The following KLHL3 variants were observed in gnomAD, a reference collection of about 807,000 sequenced individuals.
KLHL3 encodes the protein kelch-like protein 3.
KLHL3 carries 19 observed loss-of-function variants against 70.5 expected under a neutral mutation model. That is an observed-to-expected ratio of 0.27 (90% CI 0.19 to 0.40). KLHL3 has a LOEUF of 0.40. Ranked by LOEUF, KLHL3 falls within the 10% of genes least tolerant of loss-of-function variation. KLHL3 has a pLI of 1.00. For missense variants in KLHL3, 512 were observed against 771.1 expected, an observed-to-expected ratio of 0.66 and a Z score of 3.98; for synonymous variants, 258 against 290.3, an observed-to-expected ratio of 0.89 and a Z score of 1.13.
In KLHL3 at chr5:137,639,250, G is replaced by T; in HGVS notation, c.1022-100C>A. 1 of 1,113,692 alleles carries T rather than the reference G, an allele frequency of 9.0e-7. No individual in the cohort carries two copies. The highest frequency in any genetic ancestry group is 1.3e-6 in the Non-Finnish European group (1 of 763,990). 69.0% of individuals were successfully genotyped at this position (1,113,692 alleles called of 1,614,324 possible). ...GAGCAAGACAGACACAGGAAAAGTCGCCACCGAAGATACTTTAGGTATTTG... is the reference window on the plus strand; with the variant it reads ...GAGCAAGACAGACACAGGAAAAGTCTCCACCGAAGATACTTTAGGTATTTG... On this transcript the variant is annotated intron_variant, in intron 9 of 14. Transcript: ENST00000309755. This position sits in a 1 kb window ranked among gnomAD's most constrained non-coding sequence, Gnocchi z 5.0.
chr5:137,726,588 T>TG (rs953537859), intron 1 of KLHL3, among the ~76,000 whole-genome samples: 10 of 152,326 alleles, frequency 6.6e-5, no homozygotes, highest in Admixed American at 2.6e-4. Flanking sequence ...GTAACTCAAC[T>TG]GGCACATAGA....
At chr5:137,713,903 T>G (rs1013301932) in intron 2 of KLHL3, among the ~76,000 whole-genome samples, 5 of 152,166 alleles carry the variant, frequency 3.3e-5, no homozygotes, top group Non-Finnish European at 7.3e-5. Context: ...ACATTAAGTT[T>G]TAGGGTACAT....
At chr5:137,708,285 G>A (rs1362775559) in intron 3 of KLHL3, among the ~76,000 whole-genome samples, 1 of 152,172 alleles carries the variant, frequency 6.6e-6, no homozygotes, top group Non-Finnish European at 1.5e-5. Context: ...GTGCACAAGT[G>A]CCAAGTCTCT....
intron 2 of KLHL3, among the ~76,000 whole-genome samples, chr5:137,710,382 A>T (rs1270532881): frequency 2.0e-5 from 3 of 152,188 alleles, no homozygotes; most frequent in African/African-American, 4.8e-5. Context: ...GCTTTCAACA[A>T]GAAGACTCTG....
chr5:137,639,736 A>C lies in KLHL3; in HGVS notation c.1021+124T>G. 6.5e-6 allele frequency: 4 copies of C among 618,000 alleles called. No homozygotes were observed. The highest frequency in any genetic ancestry group is 1.1e-5 in the Non-Finnish European group (4 of 354,632). The allele number at this position is 618,000 out of a possible 1,614,324, so 38.3% of individuals were successfully genotyped here. On this transcript the variant is annotated intron_variant, in intron 9 of 14. Transcript: ENST00000309755. This position sits in a 1 kb window ranked among gnomAD's most constrained non-coding sequence, Gnocchi z 5.0. The stretch of plus-strand genomic sequence containing the variant: ...CAAAAAAAAAAAAAAAGTGTGCAGG[A>C]GGGAAACGAATGGGAGCCTGAAATG...
intron 5 of KLHL3, among the ~76,000 whole-genome samples, chr5:137,687,056 T>C (rs1278544717): frequency 0.031 from 1,461 of 46,914 alleles, no homozygotes; most frequent in Non-Finnish European, 0.037. Context: ...AGCCGCCCCG[T>C]CCGGGAGGGA....
chr5:137,648,182 T>C (rs971761641), intron 8 of KLHL3, among the ~76,000 whole-genome samples: 6 of 152,184 alleles, frequency 3.9e-5, no homozygotes, highest in African/African-American at 1.4e-4. Flanking sequence ...TATGGGGCTT[T>C]TTCAGGACCC....
intron 4 of KLHL3, among the ~76,000 whole-genome samples, chr5:137,693,012 G>A (rs973450012): frequency 6.6e-6 from 1 of 152,172 alleles, no homozygotes; most frequent in Non-Finnish European, 1.5e-5. Flanking sequence ...CTAATGTACA[G>A]CCACGTTTGA....
chr5:137,619,350 T>C lies in KLHL3; in HGVS notation c.*2748A>G, dbSNP rs1756330521. The C allele has an allele frequency of 6.6e-6, 1 of 152,650 alleles. No homozygotes were observed. Among genetic ancestry groups the C allele is most frequent in the African/African-American group, 2.4e-5 (1 of 41,454 alleles). 9.5% of individuals were successfully genotyped at this position (152,650 alleles called of 1,614,324 possible). A position where few individuals can be genotyped will look rare whatever the true frequency, so the allele number is the denominator to read the frequency against. On this transcript the variant is annotated 3_prime_UTR_variant, in exon 15 of 15. Coordinates refer to ENST00000309755, the MANE Select transcript of KLHL3 (RefSeq NM_017415.3). ...GATGCCATTGGGTACTTATGAGAAATAACTTTGGAATTCAGAATCTGACTT... is the reference window on the plus strand; with the variant it reads ...GATGCCATTGGGTACTTATGAGAAACAACTTTGGAATTCAGAATCTGACTT...
At chr5:137,653,351 T>C (rs1301004913) in intron 8 of KLHL3, among the ~76,000 whole-genome samples, 1 of 152,104 alleles carries the variant, frequency 6.6e-6, no homozygotes, top group Non-Finnish European at 1.5e-5. Context: ...ATTTGCACAA[T>C]ATATATCTTA....
intron 1 of KLHL3, chr5:137,725,000 G>A: frequency 1.0e-6 from 1 of 977,006 alleles, no homozygotes; most frequent in Non-Finnish European, 1.2e-6. Flanking sequence ...AAGGTCACAT[G>A]CCCAGGCACA....
intron 1 of KLHL3, among the ~76,000 whole-genome samples, chr5:137,732,546 A>G (rs1433980561): frequency 6.6e-6 from 1 of 151,806 alleles, no homozygotes; most frequent in African/African-American, 2.4e-5. Context: ...AACTTACTAT[A>G]AGGAGATAGT....
At chr5:137,716,374 GTTCA>G (rs968721220) in intron 2 of KLHL3, among the ~76,000 whole-genome samples, 4 of 137,472 alleles carry the variant, frequency 2.9e-5, no homozygotes, top group African/African-American at 1.1e-4. Flanking sequence ...TTGTTTGTTT[GTTCA>G]TTTGTTTGTT....
chr5:137,667,443 C>A (rs1324814590), intron 6 of KLHL3, among the ~76,000 whole-genome samples: 1 of 152,208 alleles, frequency 6.6e-6, no homozygotes, highest in East Asian at 1.9e-4. Flanking sequence ...GAACCAATTT[C>A]TTGCATGCTA....
In KLHL3 at chr5:137,643,649, T is replaced by C. The variant is rs191994662; in HGVS notation, c.904-3672A>G. 6.6e-3 allele frequency among the ~76,000 whole-genome samples: 1,007 copies of C among 152,294 alleles called. 6 individuals carry two copies. The highest frequency in any genetic ancestry group is 0.011 in the Non-Finnish European group (716 of 68,008). On this transcript the variant is annotated intron_variant, in intron 8 of 14. Coordinates refer to ENST00000309755, the MANE Select transcript of KLHL3 (RefSeq NM_017415.3). ...ATATTTATGGGGTACAGTGTGATGTTTGGATACATGCATACATTGGGTGAT... is the reference window on the plus strand; with the variant it reads ...ATATTTATGGGGTACAGTGTGATGTCTGGATACATGCATACATTGGGTGAT...
At chr5:137,730,930 G>A (rs1258308882) in intron 1 of KLHL3, among the ~76,000 whole-genome samples, 8 of 148,804 alleles carry the variant, frequency 5.4e-5, no homozygotes, top group African/African-American at 2.0e-4. Context: ...TTATTTAACA[G>A]AAAAAAAAAT....
At chr5:137,635,509 G>A (rs1309928379) in intron 11 of KLHL3, among the ~76,000 whole-genome samples, 2 of 152,218 alleles carry the variant, frequency 1.3e-5, no homozygotes, top group African/African-American at 4.8e-5. Flanking sequence ...GAGGCAGCCA[G>A]TAGCAAATTA....
rs145486100 is a variant in KLHL3, at chr5:137,663,123, T to C, written c.637-1092A>G. 6.4e-3 allele frequency among the ~76,000 whole-genome samples: 926 copies of C among 145,776 alleles called. 12 individuals carry two copies. Among genetic ancestry groups the C allele is most frequent in the African/African-American group, 0.022 (872 of 39,266 alleles). On this transcript the variant is annotated intron_variant, in intron 6 of 14. Coordinates refer to ENST00000309755, the MANE Select transcript of KLHL3 (RefSeq NM_017415.3). Reference sequence around the variant, plus strand: ...CATAGGCTGGAGTGCAGTGGCACGATCTTGGCTCACTGCAACCTCCACCTC... The same window carrying C: ...CATAGGCTGGAGTGCAGTGGCACGACCTTGGCTCACTGCAACCTCCACCTC...
chr5:137,703,346 C>A (rs562330707), intron 3 of KLHL3, among the ~76,000 whole-genome samples: 4 of 152,202 alleles, frequency 2.6e-5, no homozygotes, highest in African/African-American at 7.2e-5. Flanking sequence ...CTTTCTTCCC[C>A]CCAACCCTCA....
Sources: gnomAD v4.1 joint callset for allele counts (sites outside exome capture counted in the v4.1 genomes callset) on GRCh38, gnomAD v4.1.1 for gene constraint, Gnocchi (gnomAD v3.1) non-coding constraint, MANE v1.5 for transcripts, NCBI Gene and HGNC (gene_info 2026-07-23, HGNC 2026-07-21) for gene names.